Variants in GUCY2D observed in about 807,000 individuals in gnomAD.
GUCY2D encodes retinal guanylyl cyclase 1.
GUCY2D carries 70 observed loss-of-function variants against 101.3 expected under a neutral mutation model. That is an observed-to-expected ratio of 0.69 (90% CI 0.57 to 0.84). GUCY2D has a LOEUF of 0.84. Among genes scored for constraint, GUCY2D ranks in the 40% least tolerant of loss-of-function variants. The pLI, the probability that GUCY2D is intolerant of heterozygous loss-of-function variation, is 0.00. For missense variants in GUCY2D, 1,460 were observed against 1,542.5 expected (o/e 0.95, Z 0.90); for synonymous variants, 688 against 670.7 (o/e 1.03, Z -0.40).
rs200586401 is a variant in GUCY2D at position 8,003,535 on chromosome 17, C to T, written c.488C>T (p.Pro163Leu). ...ACGCAGGCGGAGGGCACCACGGCCC[C>T]TGCCGTGACCCCCGCCGCGGATGCC... is the stretch of plus-strand genomic sequence containing the variant. Reference protein sequence around the residue: ...PWTQAEGTTAPAVTPAADALY... With the variant: ...PWTQAEGTTALAVTPAADALY... Residue 163 changes from proline to leucine, a missense_variant, in exon 2 of 20, where the codon CCT (proline) becomes CTT (leucine). Transcript: ENST00000254854. The T allele has an allele frequency of 2.0e-4, 303 of 1,546,872 alleles. No individual in the cohort carries two copies. In the African/African-American group the frequency reaches 3.8e-3, roughly 19 times the overall value.
chr17:8,008,102 C>A, intron 7 of GUCY2D, 70 bp downstream of exon 7: 1 of 936,802 alleles, frequency 1.1e-6, no homozygotes, highest in Non-Finnish European at 1.7e-6. Context: ...AGAGGGGAGG[C>A]GCACTCTCAG....
rs1005083528 is a variant in GUCY2D at position 8,004,016 on chromosome 17, G to C, written c.886G>C (p.Ala296Pro). The change falls in exon 3 of 20, where the codon GCC (alanine) becomes CCC (proline). Residue 296 changes from alanine (A) to proline (P), a missense_variant. Physicochemically the swap from Ala to Pro is conservative, Grantham distance 27. This residue lies in a region of GUCY2D where 1,196 missense variants were observed against 1,229.6 expected (regional missense o/e 0.97). Coordinates refer to ENST00000254854, the MANE Select transcript of GUCY2D (RefSeq NM_000180.4). ...SPGPEALAAL[A>P]NSSQLRRAHD... Reference sequence around the variant, plus strand: ...AGGCCCGGAGGCCTTGGCCGCACTCGCCAACAGCTCCCAGCTTCGCAGGGC... The same window carrying C: ...AGGCCCGGAGGCCTTGGCCGCACTCCCCAACAGCTCCCAGCTTCGCAGGGC... 3.1e-6 allele frequency: 5 copies of C among 1,612,594 alleles called. No homozygotes were observed. The highest frequency in any genetic ancestry group is 4.2e-6 in the Non-Finnish European group (5 of 1,179,934).
rs908488035 is a variant in GUCY2D at position 8,003,673 on chromosome 17, G to A, written c.626G>A (p.Gly209Asp). 3 of 1,596,088 alleles carry A rather than the reference G, an allele frequency of 1.9e-6. No homozygotes were observed. Among genetic ancestry groups the A allele is most frequent in the Admixed American group, 1.7e-5 (1 of 59,778 alleles). The change falls in exon 2 of 20, where the codon GGC becomes GAC. Residue 209 changes from glycine (G) to aspartate (D), a missense_variant. Physicochemically the swap from Gly to Asp is moderately conservative, Grantham distance 94. Coordinates refer to ENST00000254854, the MANE Select transcript of GUCY2D (RefSeq NM_000180.4). ...RSLSTALRAR[G>D]LPVASVTSME... ...CTGTCCACGGCACTCAGGGCCCGGG[G>A]CCTGCCTGTCGCCTCCGTGACTTCC... is the stretch of plus-strand genomic sequence containing the variant.
chr17:8,012,707 C>A, intron 10 of GUCY2D, 101 bp downstream of exon 10: 1 of 908,366 alleles, frequency 1.1e-6, no homozygotes, highest in Non-Finnish European at 1.8e-6. Context: ...CTCTCTTCAT[C>A]CCACATCCAC....
intron 2 of GUCY2D, 30 bp downstream of exon 2, chr17:8,003,798 C>T (rs375760706): frequency 1.2e-6 from 2 of 1,602,286 alleles, no homozygotes; most frequent in South Asian, 2.2e-5. Flanking sequence ...GCGAGGAGGT[C>T]GGCTGGTCCT....
At position 8,014,786 on chromosome 17, in the gene GUCY2D, T is replaced by TGGGCTGGGA; in HGVS notation, c.2576+27_2576+35dup. ...CTCCGTGGGTGCCAGTGGGAAGGGG[T>TGGGCTGGGA]GGGCTGGGAGGGCAGCTGGAGCCCA... On this transcript the variant is annotated intron_variant, in intron 13 of 19. Transcript: ENST00000254854. This position sits in a 1 kb window ranked among gnomAD's most constrained non-coding sequence, Gnocchi z 4.0. 1 of 485,468 alleles carries TGGGCTGGGA rather than the reference T, an allele frequency of 2.1e-6. No homozygotes were observed. Among genetic ancestry groups the TGGGCTGGGA allele is most frequent in the Non-Finnish European group, 4.2e-6 (1 of 240,400 alleles). 30.1% of individuals were successfully genotyped at this position (485,468 alleles called of 1,614,324 possible).
rs1975845782 is a variant in GUCY2D, at chr17:8,011,262, C to G, written c.1750-882C>G. On this transcript the variant is annotated intron_variant, in intron 8 of 19. Coordinates refer to ENST00000254854, the MANE Select transcript of GUCY2D (RefSeq NM_000180.4). This position sits in a 1 kb window ranked among gnomAD's most constrained non-coding sequence, Gnocchi z 4.3. ...GGCATGATGGCACACACCTGTAATC[C>G]CAGCTATTCGGGAGGCTGAGACGGG... 6.6e-6 allele frequency among the ~76,000 whole-genome samples: 1 copy of G among 152,074 alleles called. No homozygotes were observed. The highest frequency in any genetic ancestry group is 1.5e-5 in the Non-Finnish European group (1 of 68,026).
chr17:8,017,283 T>C (rs988765094), intron 19 of GUCY2D, among the ~76,000 whole-genome samples: 2 of 152,136 alleles, frequency 1.3e-5, no homozygotes, highest in South Asian at 4.1e-4. Context: ...CTTGTGGCCC[T>C]CACCCCCAGG....
chr17:8,015,433 G>A lies in GUCY2D; in HGVS notation c.2875G>A (p.Ala959Thr), dbSNP rs768417052. Residue 959 changes from alanine (A) to threonine (T), a missense_variant, in exon 15 of 20, where the codon GCC (alanine) becomes ACC (threonine). This residue lies in a region of GUCY2D where 215 missense variants were observed against 227.9 expected (regional missense o/e 0.94). Coordinates refer to ENST00000254854, the MANE Select transcript of GUCY2D (RefSeq NM_000180.4). ...IANMSLDILS[A>T]VGTFRMRHMP... is the part of the protein sequence containing the mutation. ...CAACATGTCACTGGACATCCTCAGT[G>A]CCGTGGGCACTTTCCGCATGCGCCA... is the stretch of plus-strand genomic sequence containing the variant. The A allele has an allele frequency of 1.2e-5, 19 of 1,613,922 alleles. No individual in the cohort carries two copies. In the South Asian group the frequency reaches 2.1e-4, roughly 18 times the overall value.
In GUCY2D at chr17:8,007,040, T is replaced by G. The variant is rs373533477; in HGVS notation, c.1379-20T>G. 5 of 1,601,828 alleles carry G rather than the reference T, an allele frequency of 3.1e-6. No individual in the cohort carries two copies. In the South Asian group the frequency reaches 5.5e-5, roughly 18 times the overall value. On this transcript the variant is annotated intron_variant, in intron 4 of 19. Transcript: ENST00000254854. ...CCCTGGCATCGCTCCTCAGTATACC[T>G]CCTGTCACTGTCCCTTCAGGACTGG...
At chr17:8,003,807 C>G in intron 2 of GUCY2D, 39 bp downstream of exon 2, 2 of 1,603,284 alleles carry the variant, frequency 1.2e-6, no homozygotes, top group South Asian at 1.1e-5. Context: ...TCGGCTGGTC[C>G]TGCCGGCAGC....
Position 8,014,118 on chromosome 17 carries a change from T to C in GUCY2D, c.2412+90T>C. On this transcript the variant is annotated intron_variant, in intron 12 of 19. Coordinates refer to ENST00000254854, the MANE Select transcript of GUCY2D (RefSeq NM_000180.4). This position sits in a 1 kb window ranked among gnomAD's most constrained non-coding sequence, Gnocchi z 4.0. The stretch of plus-strand genomic sequence containing the variant: ...CTGAGACAGCTGCAGACAGGCAGGC[T>C]GGCAGGACCTCTGGCCTTCCAGGCT... The C allele has an allele frequency of 8.1e-7, 1 of 1,231,204 alleles. No individual in the cohort carries two copies. The highest frequency in any genetic ancestry group is 1.2e-5 in the South Asian group (1 of 83,670). 76.3% of individuals were successfully genotyped at this position (1,231,204 alleles called of 1,614,324 possible). A position where few individuals can be genotyped will look rare whatever the true frequency, so the allele number is the denominator to read the frequency against.
rs765079532 is a variant in GUCY2D, at chr17:8,014,597, C to T, written c.2413-4C>T. ...CAGCTTTACCAGCTTCCTTCTACTG[C>T]TAGTTCAAGAACATCAACAAGGGCC... On this transcript the variant is annotated splice_polypyrimidine_tract_variant and splice_region_variant and intron_variant, in intron 12 of 19. Coordinates refer to ENST00000254854, the MANE Select transcript of GUCY2D (RefSeq NM_000180.4). The surrounding 1 kb of genome is among the most constrained non-coding windows in gnomAD (Gnocchi z 4.0). 5 of 1,613,880 alleles carry T rather than the reference C, an allele frequency of 3.1e-6. No homozygotes were observed. Among genetic ancestry groups the T allele is most frequent in the Non-Finnish European group, 3.4e-6 (4 of 1,179,896 alleles).
intron 19 of GUCY2D, 90 bp downstream of exon 19, chr17:8,016,644 C>A: frequency 2.9e-6 from 2 of 696,796 alleles, no homozygotes; most frequent in Non-Finnish European, 2.5e-6. Context: ...CGATCCCTTT[C>A]TGACTTAGAG....
Position 8,004,913 on chromosome 17 carries a change from G to C in GUCY2D, c.1026+757G>C, listed in dbSNP as rs148624438. Among the ~76,000 whole-genome samples, 1,068 of 152,250 alleles carry C rather than the reference G, an allele frequency of 7.0e-3. 7 individuals are homozygous for C. The highest frequency in any genetic ancestry group is 0.013 in the Admixed American group (201 of 15,310). ...AGAGGATTGGAGGTGTCCAATGGAG[G>C]GGGGAGGGGTGCAGTGATGGGAATA... On this transcript the variant is annotated intron_variant, in intron 3 of 19. Transcript: ENST00000254854.
intron 19 of GUCY2D, among the ~76,000 whole-genome samples, chr17:8,017,843 C>T (rs1976006266): frequency 6.6e-6 from 1 of 152,154 alleles, no homozygotes; most frequent in Non-Finnish European, 1.5e-5. Flanking sequence ...CAGGCACCCG[C>T]CACCACGCCC....
At chr17:8,019,681 T>C (rs971806211) in intron 19 of GUCY2D, among the ~76,000 whole-genome samples, 1 of 152,248 alleles carries the variant, frequency 6.6e-6, no homozygotes, top group African/African-American at 2.4e-5. Context: ...TCTATTCTCC[T>C]GTCTTTGTGT....
Position 8,007,117 on chromosome 17 carries a change from C to T in GUCY2D, c.1436C>T (p.Ala479Val), listed in dbSNP as rs1975759959. Reference protein sequence around the residue: ...GFLLVVGMGLAGAFLAHYVRH... With the variant: ...GFLLVVGMGLVGAFLAHYVRH... Reference sequence around the variant, plus strand: ...CTCCTGGTGGTTGGGATGGGGCTGGCTGGGGCCTTCCTGGCCCATTATGTG... The same window carrying T: ...CTCCTGGTGGTTGGGATGGGGCTGGTTGGGGCCTTCCTGGCCCATTATGTG... The change falls in exon 5 of 20, where the codon GCT becomes GTT. Residue 479 changes from alanine to valine, a missense_variant. Coordinates refer to ENST00000254854, the MANE Select transcript of GUCY2D (RefSeq NM_000180.4). 3.1e-6 allele frequency: 5 copies of T among 1,613,722 alleles called. No homozygotes were observed. The highest frequency in any genetic ancestry group is 4.2e-6 in the Non-Finnish European group (5 of 1,179,714).
chr17:8,018,055 C>G (rs1266069105), intron 19 of GUCY2D, among the ~76,000 whole-genome samples: 1 of 152,232 alleles, frequency 6.6e-6, no homozygotes, highest in East Asian at 1.9e-4. Flanking sequence ...CTTTGTGAAA[C>G]TCTGACCTTC....
Sources: allele counts gnomAD v4.1 joint callset (sites outside exome capture counted in the v4.1 genomes callset), GRCh38; gene constraint gnomAD v4.1.1; regional missense constraint gnomAD v4.1.1; non-coding constraint Gnocchi (gnomAD v3.1); transcripts MANE v1.5; gene names NCBI Gene and HGNC (gene_info 2026-07-23, HGNC 2026-07-21).